Variants in TBCK observed in about 807,000 individuals in gnomAD.
The protein encoded by TBCK is TBC domain-containing protein kinase-like protein.
A neutral mutation model predicts 113.4 loss-of-function variants in TBCK; 99 were observed. The ratio of observed to expected loss-of-function variants is 0.87; its 90% confidence interval spans 0.74 to 1.03. TBCK has a LOEUF of 1.03. Among genes scored for constraint, TBCK ranks in the 50% least tolerant of loss-of-function variants. TBCK has a pLI of 0.00. For missense variants in TBCK, 1,045 were observed against 1,061.3 expected (o/e 0.98, Z 0.21); for synonymous variants, 369 against 370.8 (o/e 1.00, Z 0.05).
At chr4:106,176,661 C>T (rs1030378708) in intron 22 of TBCK, among the ~76,000 whole-genome samples, 2 of 151,872 alleles carry the variant, frequency 1.3e-5, no homozygotes, top group South Asian at 2.1e-4. Flanking sequence ...GACATCTCTG[C>T]GATATCCTGA....
At chr4:106,124,241 C>G (rs1333967119) in intron 23 of TBCK, among the ~76,000 whole-genome samples, 1 of 152,200 alleles carries the variant, frequency 6.6e-6, no homozygotes, top group Non-Finnish European at 1.5e-5. Flanking sequence ...CCAAAAAACA[C>G]ATGAAAAATT....
intron 5 of TBCK, among the ~76,000 whole-genome samples, chr4:106,256,895 T>C (rs760597673): frequency 6.6e-6 from 1 of 152,206 alleles, no homozygotes; most frequent in Non-Finnish European, 1.5e-5. Context: ...TTTTATATAC[T>C]ATATATTTCA....
intron 23 of TBCK, among the ~76,000 whole-genome samples, chr4:106,157,922 T>C (rs182531492): frequency 1.4e-4 from 22 of 152,258 alleles, no homozygotes; most frequent in African/African-American, 5.1e-4. Flanking sequence ...CAGTTCTTGA[T>C]CTTTAGGAAT....
chr4:106,300,444 TTAAAA>T (rs1215405328), intron 2 of TBCK, among the ~76,000 whole-genome samples: 1 of 152,234 alleles, frequency 6.6e-6, no homozygotes, highest in Non-Finnish European at 1.5e-5. Flanking sequence ...CATGAATGTC[TTAAAA>T]TAATATAAAG....
chr4:106,097,859 T>TAGAA (rs1216613238), intron 24 of TBCK, among the ~76,000 whole-genome samples: 2 of 152,076 alleles, frequency 1.3e-5, no homozygotes, highest in African/African-American at 4.8e-5. Context: ...TATTTTTTAT[T>TAGAA]AGAAAGAATA....
intron 20 of TBCK, among the ~76,000 whole-genome samples, chr4:106,202,986 T>C (rs1314389975): frequency 3.3e-5 from 5 of 152,058 alleles, no homozygotes; most frequent in African/African-American, 1.2e-4. Flanking sequence ...AAATAGATGA[T>C]ATAGAAATAA....
intron 23 of TBCK, among the ~76,000 whole-genome samples, chr4:106,125,988 C>T (rs1356598930): frequency 6.6e-6 from 1 of 152,188 alleles, no homozygotes; most frequent in Non-Finnish European, 1.5e-5. Flanking sequence ...GATATGTGCT[C>T]TATAAATTTT....
chr4:106,275,422 T>C lies in TBCK; in HGVS notation c.267-13210A>G, dbSNP rs550567893. On this transcript the variant is annotated intron_variant, in intron 3 of 25. Transcript: ENST00000394708. ...ATTCAGCATTGTAGTGGAGGTCCTA[T>C]CTAGTGAAATAGGTCAAGAACAAGA... is the stretch of plus-strand genomic sequence containing the variant. Among the ~76,000 whole-genome samples the C allele has an allele frequency of 5.3e-5, 8 of 152,240 alleles. 1 individual carries two copies. In the South Asian group the frequency reaches 1.7e-3, roughly 32 times the overall value.
intron 24 of TBCK, among the ~76,000 whole-genome samples, chr4:106,105,160 C>T (rs1252550080): frequency 3.3e-5 from 5 of 152,358 alleles, no homozygotes; most frequent in African/African-American, 9.6e-5. Context: ...CTCCAACAAG[C>T]TGCAGTTGAA....
rs775034792 is a variant in TBCK at position 106,116,361 on chromosome 4, TG to T, written c.2252del (p.Pro751HisfsTer2). The T allele has an allele frequency of 4.2e-5, 68 of 1,612,120 alleles. No individual in the cohort carries two copies. Among genetic ancestry groups the T allele is most frequent in the Non-Finnish European group, 5.7e-5 (67 of 1,179,410 alleles). ...ATACTTCTGACTTCAGGTCATTTAATGGGATGGATTCTCTTGACTGAAAAAA... is the reference window on the plus strand; with the variant it reads ...ATACTTCTGACTTCAGGTCATTTAATGGATGGATTCTCTTGACTGAAAAAA... ...PKTDLSRESI[P>X]LNDLKSEVSP... On this transcript the variant is annotated frameshift_variant, in exon 24 of 26. Transcript: ENST00000394708. LOFTEE classifies it high-confidence loss of function.
chr4:106,309,362 G>A (rs1440589596), intron 1 of TBCK, among the ~76,000 whole-genome samples: 1 of 143,026 alleles, frequency 7.0e-6, no homozygotes, highest in African/African-American at 2.7e-5. Flanking sequence ...ACCCAGGCTG[G>A]AGTGCAGTGG....
intron 19 of TBCK, among the ~76,000 whole-genome samples, chr4:106,215,361 A>T (rs1429409319): frequency 2.0e-5 from 3 of 152,158 alleles, no homozygotes; most frequent in African/African-American, 7.2e-5. Flanking sequence ...ATTCACACAT[A>T]ACACGATTAA....
At chr4:106,212,629 A>G in intron 20 of TBCK, 121 bp downstream of exon 20, 1 of 631,890 alleles carries the variant, frequency 1.6e-6, no homozygotes, top group Non-Finnish European at 2.8e-6. Context: ...TACAATTAGT[A>G]GCAGTAACTT....
At chr4:106,131,767 GA>G (rs991562003) in intron 23 of TBCK, among the ~76,000 whole-genome samples, 16 of 152,200 alleles carry the variant, frequency 1.1e-4, no homozygotes, top group African/African-American at 3.9e-4. Flanking sequence ...AAAAAGGTGG[GA>G]AAGTTTGGAA....
intron 23 of TBCK, among the ~76,000 whole-genome samples, chr4:106,133,544 C>A (rs542190926): frequency 6.6e-6 from 1 of 152,138 alleles, no homozygotes; most frequent in African/African-American, 2.4e-5. Context: ...CTGGAAAACA[C>A]ACAAAAGATA....
chr4:106,175,251 A>AT (rs1751525431), intron 22 of TBCK, among the ~76,000 whole-genome samples: 1 of 150,554 alleles, frequency 6.6e-6, no homozygotes, highest in African/African-American at 2.4e-5. Flanking sequence ...TGAATAAATT[A>AT]TTTTTTCAGT....
At chr4:106,176,943 G>A (rs760954760) in intron 22 of TBCK, among the ~76,000 whole-genome samples, 1 of 148,484 alleles carries the variant, frequency 6.7e-6, no homozygotes, top group Admixed American at 6.7e-5. Flanking sequence ...TCATATACTT[G>A]TTGGCCATTT....
At chr4:106,071,901 C>T (rs1737507038) in intron 25 of TBCK, among the ~76,000 whole-genome samples, 1 of 152,116 alleles carries the variant, frequency 6.6e-6, no homozygotes, top group Non-Finnish European at 1.5e-5. Flanking sequence ...TCTGTTTTAT[C>T]AGAGACTAGG....
chr4:106,277,722 C>T (rs181557585), intron 3 of TBCK, among the ~76,000 whole-genome samples: 1 of 152,214 alleles, frequency 6.6e-6, no homozygotes, highest in Admixed American at 6.5e-5. Context: ...TGGGAAGGGA[C>T]ATGAGGAAAA....
Sources: allele counts gnomAD v4.1 joint callset (sites outside exome capture counted in the v4.1 genomes callset), GRCh38; gene constraint gnomAD v4.1.1; transcripts MANE v1.5; gene names NCBI Gene and HGNC (gene_info 2026-07-23, HGNC 2026-07-21).